Variants in LRFN2 observed in about 807,000 individuals in gnomAD.
LRFN2 encodes leucine-rich repeat and fibronectin type-III domain-containing protein 2.
In LRFN2, 18 loss-of-function variants were observed where a neutral mutation model predicts 37.3. The ratio of observed to expected loss-of-function variants is 0.48; its 90% confidence interval spans 0.33 to 0.72. The LOEUF is 0.72. LRFN2 is among the 30% of genes least tolerant of loss of function. The pLI is 0.02. For synonymous variants in LRFN2, 556 were observed against 466.6 expected (o/e 1.19, Z -2.47); for missense variants, 1,006 against 1,060.7 (o/e 0.95, Z 0.72).
chr6:40,490,671 C>T (rs1765070964), intron 1 of LRFN2, among the ~76,000 whole-genome samples: 2 of 152,230 alleles, frequency 1.3e-5, no homozygotes, highest in Non-Finnish European at 2.9e-5. Context: ...GCAGCTGCCC[C>T]TCACAGCCAG....
chr6:40,413,245 G>T (rs751555970), intron 2 of LRFN2, among the ~76,000 whole-genome samples: 1 of 152,150 alleles, frequency 6.6e-6, no homozygotes, highest in South Asian at 2.1e-4. Flanking sequence ...TCTCCACTTT[G>T]CTTAAGACTC....
chr6:40,487,817 G>A lies in LRFN2; in HGVS notation c.-18-54686C>T, dbSNP rs191396272. ...GCCCACCCTTCCCAGCTGTCTGCTG[G>A]AGGTATCCTGTGCCTTTCATCCAAA... On this transcript the variant is annotated intron_variant, in intron 1 of 2. Transcript: ENST00000338305. Among the ~76,000 whole-genome samples, 169 of 152,328 alleles carry A rather than the reference G, an allele frequency of 1.1e-3. 1 individual carries two copies. The highest frequency in any genetic ancestry group is 2.9e-3 in the South Asian group (14 of 4,818).
chr6:40,479,478 G>T (rs780814312), intron 1 of LRFN2, among the ~76,000 whole-genome samples: 1 of 152,186 alleles, frequency 6.6e-6, no homozygotes, highest in Non-Finnish European at 1.5e-5. Flanking sequence ...AAAATGGGGA[G>T]CAGCTAAGCT....
chr6:40,494,338 G>A lies in LRFN2; in HGVS notation c.-18-61207C>T, dbSNP rs116222976. ...AGCCCTCTCAAAGGCTGCTCAGGGC[G>A]GAGGTGAGAGCAAGGGGCTTAGTTT... On this transcript the variant is annotated intron_variant, in intron 1 of 2. Coordinates refer to ENST00000338305, the MANE Select transcript of LRFN2 (RefSeq NM_020737.3). Among the ~76,000 whole-genome samples the A allele has an allele frequency of 7.0e-3, 1,066 of 152,278 alleles. 10 individuals carry two copies. Among genetic ancestry groups the A allele is most frequent in the African/African-American group, 0.023 (971 of 41,540 alleles).
Position 40,432,046 on chromosome 6 carries a change from G to A in LRFN2, c.1068C>T (p.Ala356=). The change falls in exon 2 of 3, where the codon GCC becomes GCT. Residue 356 remains alanine, a synonymous_variant. Transcript: ENST00000338305. ...IFITTSQDSG[A]FTCIAANAAG... Reference sequence around the variant, plus strand: ...CAGCATTGGCAGCAATGCAGGTGAAGGCACCACTGTCCTGAGATGTGGTGA... The same window carrying A: ...CAGCATTGGCAGCAATGCAGGTGAAAGCACCACTGTCCTGAGATGTGGTGA... 6.2e-7 allele frequency: 1 copy of A among 1,614,072 alleles called. No homozygotes were observed.
intron 1 of LRFN2, among the ~76,000 whole-genome samples, chr6:40,449,930 AT>A (rs1247068666): frequency 1.2e-4 from 19 of 152,104 alleles, no homozygotes; most frequent in Non-Finnish European, 2.5e-4. Context: ...TTTTGGTTTT[AT>A]TTTTTATCAC....
At chr6:40,572,124 A>G (rs555267599) in intron 1 of LRFN2, among the ~76,000 whole-genome samples, 184 of 152,328 alleles carry the variant, frequency 1.2e-3, no homozygotes, top group African/African-American at 4.2e-3. Context: ...CCTGCATGCC[A>G]CTTATCACAT....
Position 40,459,805 on chromosome 6 carries a change from C to T in LRFN2, c.-18-26674G>A, listed in dbSNP as rs557216126. Among the ~76,000 whole-genome samples the T allele has an allele frequency of 2.0e-5, 3 of 152,282 alleles. No individual in the cohort carries two copies. In the South Asian group the frequency reaches 6.2e-4, roughly 32 times the overall value. On this transcript the variant is annotated intron_variant, in intron 1 of 2. Transcript: ENST00000338305. Reference sequence around the variant, plus strand: ...TGGAGGGAGGACCTTTTAATGAGAACATTTAATCTTTGTCTCTGGCTAGGG... The same window carrying T: ...TGGAGGGAGGACCTTTTAATGAGAATATTTAATCTTTGTCTCTGGCTAGGG...
At chr6:40,586,475 G>A (rs1270441353) in intron 1 of LRFN2, among the ~76,000 whole-genome samples, 1 of 151,952 alleles carries the variant, frequency 6.6e-6, no homozygotes, top group East Asian at 1.9e-4. Context: ...CAACCCTTCC[G>A]CACTTGGCTT....
At chr6:40,483,584 A>G (rs1764883277) in intron 1 of LRFN2, among the ~76,000 whole-genome samples, 1 of 152,174 alleles carries the variant, frequency 6.6e-6, no homozygotes, top group African/African-American at 2.4e-5. Flanking sequence ...GTTTTTCACA[A>G]ATCAGCCCAT....
chr6:40,437,661 G>A (rs1352948922), intron 1 of LRFN2, among the ~76,000 whole-genome samples: 1 of 152,132 alleles, frequency 6.6e-6, no homozygotes, highest in Non-Finnish European at 1.5e-5. Flanking sequence ...TTAATATGTT[G>A]TTCTAACAGC....
intron 2 of LRFN2, among the ~76,000 whole-genome samples, chr6:40,426,214 T>C (rs942471703): frequency 2.0e-5 from 3 of 151,524 alleles, no homozygotes; most frequent in African/African-American, 7.3e-5. Context: ...AAGTCTCAAG[T>C]AGATCCACAC....
chr6:40,517,554 A>G (rs1765919359), intron 1 of LRFN2: 1 of 152,136 alleles, frequency 6.6e-6, no homozygotes, highest in South Asian at 2.1e-4. Flanking sequence ...CCTTCAACTC[A>G]CAGAGCCAGG....
chr6:40,507,105 G>GC (rs1765564910), intron 1 of LRFN2, among the ~76,000 whole-genome samples: 2 of 152,274 alleles, frequency 1.3e-5, no homozygotes, highest in East Asian at 3.9e-4. Context: ...GACGTCCTCC[G>GC]CCCTTGGATG....
At chr6:40,459,323 C>T (rs569268042) in intron 1 of LRFN2, among the ~76,000 whole-genome samples, 92 of 152,276 alleles carry the variant, frequency 6.0e-4, no homozygotes, top group Non-Finnish European at 1.2e-3. Context: ...GAGTAATAGG[C>T]CAGAGGAACT....
At chr6:40,544,953 G>A (rs774022897) in intron 1 of LRFN2, among the ~76,000 whole-genome samples, 1 of 152,186 alleles carries the variant, frequency 6.6e-6, no homozygotes, top group African/African-American at 2.4e-5. Flanking sequence ...TGCCAATGAG[G>A]GGAGTGTTGG....
chr6:40,401,589 C>T (rs939708314), intron 2 of LRFN2, among the ~76,000 whole-genome samples: 1 of 152,110 alleles, frequency 6.6e-6, no homozygotes, highest in African/African-American at 2.4e-5. Context: ...CAGTTGCCTC[C>T]CCTGACTAAC....
At chr6:40,477,694 T>G (rs1428181808) in intron 1 of LRFN2, among the ~76,000 whole-genome samples, 1 of 152,128 alleles carries the variant, frequency 6.6e-6, no homozygotes, top group Non-Finnish European at 1.5e-5. Flanking sequence ...AGCAGCCAGC[T>G]TTGGGCACAT....
chr6:40,413,283 CTGT>C (rs1162954497), intron 2 of LRFN2, among the ~76,000 whole-genome samples: 6 of 152,230 alleles, frequency 3.9e-5, no homozygotes, highest in African/African-American at 1.2e-4. Flanking sequence ...TGTGATCTAT[CTGT>C]TGTTCCCTCT....
Sources: gnomAD v4.1 joint callset for allele counts (sites outside exome capture counted in the v4.1 genomes callset) on GRCh38, gnomAD v4.1.1 for gene constraint, MANE v1.5 for transcripts, NCBI Gene and HGNC (gene_info 2026-07-23, HGNC 2026-07-21) for gene names.